Variants in CNTN5 observed in about 807,000 individuals in gnomAD.
CNTN5 encodes the protein contactin-5.
CNTN5 carries 77 observed loss-of-function variants against 129.1 expected under a neutral mutation model. The observed-to-expected ratio is 0.60, with a 90% CI of 0.50 to 0.72. The LOEUF is 0.72. Ranked by LOEUF, CNTN5 falls within the 30% of genes least tolerant of loss-of-function variation. The pLI, the probability that CNTN5 is intolerant of heterozygous loss-of-function variation, is 0.00. For missense variants in CNTN5, 1,478 were observed against 1,328.8 expected, an observed-to-expected ratio of 1.11 and a Z score of -1.75; for synonymous variants, 509 against 465.6, an observed-to-expected ratio of 1.09 and a Z score of -1.20.
intron 2 of CNTN5, among the ~76,000 whole-genome samples, chr11:99,542,097 G>A (rs1591249868): frequency 6.6e-6 from 1 of 150,866 alleles, no homozygotes; most frequent in Middle Eastern, 3.5e-3. Flanking sequence ...ATAATGTATT[G>A]TTTCAATACA....
At chr11:99,263,605 A>G (rs1862745850) in intron 1 of CNTN5, among the ~76,000 whole-genome samples, 1 of 152,068 alleles carries the variant, frequency 6.6e-6, no homozygotes, top group East Asian at 1.9e-4. Context: ...GGGAGAAAGG[A>G]AAAATTATTT....
At chr11:100,089,216 G>C (rs759909825) in intron 13 of CNTN5, among the ~76,000 whole-genome samples, 18 of 151,886 alleles carry the variant, frequency 1.2e-4, no homozygotes, top group Non-Finnish European at 2.1e-4. Flanking sequence ...TAAACTCCTT[G>C]TAGATTCTGG....
At chr11:99,043,856 A>G (rs1413909425) in intron 1 of CNTN5, among the ~76,000 whole-genome samples, 2 of 152,206 alleles carry the variant, frequency 1.3e-5, no homozygotes, top group African/African-American at 4.8e-5. Flanking sequence ...TGCCACCTGT[A>G]GTAGCCTGGC....
chr11:99,202,988 G>A (rs554820681), intron 1 of CNTN5, among the ~76,000 whole-genome samples: 1 of 151,734 alleles, frequency 6.6e-6, no homozygotes, highest in Admixed American at 6.6e-5. Context: ...ATGAATGAAA[G>A]AAAGAGAGAG....
chr11:99,935,367 A>C lies in CNTN5; in HGVS notation c.673+19218A>C, dbSNP rs898585605. The stretch of plus-strand genomic sequence containing the variant: ...TAATACATGCCTTAGGACCTTAGAG[A>C]TTAGGTTTTTTTCACCGAGCATTAT... On this transcript the variant is annotated intron_variant, in intron 7 of 24. Coordinates refer to ENST00000524871, the MANE Select transcript of CNTN5 (RefSeq NM_014361.4). Among the ~76,000 whole-genome samples the C allele has an allele frequency of 2.6e-5, 4 of 151,982 alleles. No individual in the cohort carries two copies. The East Asian group carries it at 7.7e-4, about 29-fold the overall frequency.
At chr11:99,584,739 C>T (rs1949735862) in intron 3 of CNTN5, among the ~76,000 whole-genome samples, 1 of 152,228 alleles carries the variant, frequency 6.6e-6, no homozygotes, top group Non-Finnish European at 1.5e-5. Context: ...CAGGGAAAAG[C>T]ATTCTGCTTT....
chr11:99,078,884 A>T (rs1434087191), intron 1 of CNTN5, among the ~76,000 whole-genome samples: 6 of 152,246 alleles, frequency 3.9e-5, no homozygotes. Context: ...TAATAGCACA[A>T]CAGGGTGATT....
At chr11:100,287,738 A>G (rs1182176125) in intron 18 of CNTN5, among the ~76,000 whole-genome samples, 1 of 152,224 alleles carries the variant, frequency 6.6e-6, no homozygotes, top group Non-Finnish European at 1.5e-5. Context: ...TAATGACAGG[A>G]TCAAATTCAC....
At chr11:99,422,511 T>C (rs1221685118) in intron 2 of CNTN5, among the ~76,000 whole-genome samples, 1 of 45,848 alleles carries the variant, frequency 2.2e-5, no homozygotes, top group Admixed American at 2.7e-4. Context: ...CATGTTACTT[T>C]ATATTTTTAT....
Position 99,556,252 on chromosome 11 carries a change from T to C in CNTN5, c.38T>C (p.Val13Ala). The C allele has an allele frequency of 6.5e-7, 1 of 1,528,822 alleles. No individual in the cohort carries two copies. Among genetic ancestry groups the C allele is most frequent in the Non-Finnish European group, 8.8e-7 (1 of 1,131,968 alleles). The allele number at this position is 1,528,822 out of a possible 1,614,324, so 94.7% of individuals were successfully genotyped here. A position where few individuals can be genotyped will look rare whatever the true frequency, so the allele number is the denominator to read the frequency against. ...SSWKLMLFLS[V>A]TMCLSEYSKS... is the part of the protein sequence containing the mutation. The stretch of plus-strand genomic sequence containing the variant: ...TGGAAACTAATGCTGTTTCTGTCAG[T>C]CACCATGTGTCTTTCAGGTAAAAGT... Residue 13 changes from valine (V) to alanine (A), a missense_variant, in exon 3 of 25, where the codon GTC becomes GCC. Coordinates refer to ENST00000524871, the MANE Select transcript of CNTN5 (RefSeq NM_014361.4).
chr11:99,971,740 A>G (rs1241810544), intron 8 of CNTN5, among the ~76,000 whole-genome samples: 1 of 151,936 alleles, frequency 6.6e-6, no homozygotes, highest in Non-Finnish European at 1.5e-5. Flanking sequence ...TCAAAGAATA[A>G]TGTTTTGTTA....
intron 3 of CNTN5, among the ~76,000 whole-genome samples, chr11:99,711,347 G>A (rs1954979519): frequency 1.3e-5 from 2 of 151,722 alleles, no homozygotes; most frequent in Admixed American, 1.3e-4. Context: ...TGTTATTCAT[G>A]GTTTAATCAC....
intron 8 of CNTN5, among the ~76,000 whole-genome samples, chr11:99,983,036 C>G (rs957918750): frequency 3.3e-5 from 5 of 152,130 alleles, no homozygotes; most frequent in African/African-American, 1.2e-4. Flanking sequence ...CATGATCAGT[C>G]ACATCAGGTG....
chr11:99,061,612 G>T (rs557723609), intron 1 of CNTN5, among the ~76,000 whole-genome samples: 2 of 152,222 alleles, frequency 1.3e-5, no homozygotes, highest in African/African-American at 4.8e-5. Context: ...TACAGGCAAA[G>T]CAAAATCTTC....
At chr11:99,795,150 G>C (rs1226954991) in intron 3 of CNTN5, among the ~76,000 whole-genome samples, 1 of 152,016 alleles carries the variant, frequency 6.6e-6, no homozygotes, top group Non-Finnish European at 1.5e-5. Context: ...ATTTTTGTCT[G>C]ACTACATTCT....
intron 8 of CNTN5, among the ~76,000 whole-genome samples, chr11:99,957,622 G>A (rs72992899): frequency 1.3e-5 from 2 of 152,038 alleles, no homozygotes; most frequent in Non-Finnish European, 2.9e-5. Flanking sequence ...GAATTCAAGT[G>A]CTATATTACC....
chr11:99,903,975 C>T (rs1474707335), intron 6 of CNTN5, among the ~76,000 whole-genome samples: 1 of 152,080 alleles, frequency 6.6e-6, no homozygotes, highest in Non-Finnish European at 1.5e-5. Context: ...CATGTCATCC[C>T]AGTTAGAATG....
At chr11:99,687,966 C>T (rs1953866586) in intron 3 of CNTN5, among the ~76,000 whole-genome samples, 1 of 152,154 alleles carries the variant, frequency 6.6e-6, no homozygotes, top group Non-Finnish European at 1.5e-5. Context: ...TGAACTACAG[C>T]TTTGAATAAT....
intron 2 of CNTN5, among the ~76,000 whole-genome samples, chr11:99,341,766 G>A (rs950538963): frequency 6.6e-6 from 1 of 152,134 alleles, no homozygotes; most frequent in South Asian, 2.1e-4. Context: ...TCATTAATCA[G>A]TCTCTGTTAA....
Sources: gnomAD v4.1 joint callset for allele counts (sites outside exome capture counted in the v4.1 genomes callset) on GRCh38, gnomAD v4.1.1 for gene constraint, MANE v1.5 for transcripts, NCBI Gene and HGNC (gene_info 2026-07-23, HGNC 2026-07-21) for gene names.